The following PKD2L2 variants were observed in gnomAD, a reference collection of about 807,000 sequenced individuals.
PKD2L2 encodes polycystin-2-like protein 2.
PKD2L2 carries 67 observed loss-of-function variants against 83.9 expected under a neutral mutation model. That is an observed-to-expected ratio of 0.80 (90% CI 0.66 to 0.98). The LOEUF is 0.98. Among genes scored for constraint, PKD2L2 ranks in the 50% least tolerant of loss-of-function variants. PKD2L2 has a pLI of 0.00. For synonymous variants in PKD2L2, 223 were observed against 237.8 expected (o/e 0.94, Z 0.57); for missense variants, 632 against 717.2 (o/e 0.88, Z 1.36).
At chr5:137,892,682 G>A in intron 3 of PKD2L2, 69 bp downstream of exon 3, 1 of 1,165,474 alleles carries the variant, frequency 8.6e-7, no homozygotes, top group Non-Finnish European at 1.2e-6. Flanking sequence ...TACACAGTGG[G>A]CACTCAATGA....
At chr5:137,927,762 G>A (rs1321175295) in intron 12 of PKD2L2, among the ~76,000 whole-genome samples, 1 of 152,106 alleles carries the variant, frequency 6.6e-6, no homozygotes, top group Admixed American at 6.6e-5. Flanking sequence ...TTGTTTTTGA[G>A]ACCAAACCCA....
At position 137,908,893 on chromosome 5, in the gene PKD2L2, A is replaced by G; in HGVS notation, c.1275A>G (p.Gly425=). 1 of 1,609,948 alleles carries G rather than the reference A, an allele frequency of 6.2e-7. No homozygotes were observed. Among genetic ancestry groups the G allele is most frequent in the South Asian group, 1.1e-5 (1 of 90,362 alleles). ...TATTCTTTGCTTATGCCCAGTTAGG[A>G]TTTCTTGTTTTTGGATCACAAGTTG... ...FIIFFAYAQL[G]FLVFGSQVDD... Residue 425 remains glycine, a synonymous_variant, in exon 8 of 15, where the codon GGA becomes GGG. Coordinates refer to ENST00000508883, the MANE Select transcript of PKD2L2 (RefSeq NM_001300921.2).
chr5:137,934,309 G>C (rs1318634194), intron 12 of PKD2L2, among the ~76,000 whole-genome samples: 1 of 152,068 alleles, frequency 6.6e-6, no homozygotes, highest in East Asian at 1.9e-4. Context: ...GGCTGAGACG[G>C]GTTTTTAAAA....
At chr5:137,913,465 T>G (rs949946337) in intron 8 of PKD2L2, among the ~76,000 whole-genome samples, 2 of 151,382 alleles carry the variant, frequency 1.3e-5, no homozygotes, top group Admixed American at 1.3e-4. Flanking sequence ...GATACAGCTG[T>G]GAGTCACTGT....
At chr5:137,923,160 T>C (rs867038575) in intron 9 of PKD2L2, among the ~76,000 whole-genome samples, 17 of 151,924 alleles carry the variant, frequency 1.1e-4, no homozygotes, top group African/African-American at 3.6e-4. Flanking sequence ...GGACTACAGG[T>C]GTGCACCACC....
At chr5:137,889,799 T>C (rs962171603) in intron 1 of PKD2L2, among the ~76,000 whole-genome samples, 1 of 152,148 alleles carries the variant, frequency 6.6e-6, no homozygotes, top group African/African-American at 2.4e-5. Context: ...GTCTCTAAAG[T>C]CCTTGGTTGA....
At chr5:137,889,823 G>C (rs1755790379) in intron 1 of PKD2L2, 1 of 369,006 alleles carries the variant, frequency 2.7e-6, no homozygotes, top group Non-Finnish European at 4.8e-6. Context: ...GGGGAGTCGT[G>C]ACCTTGACAG....
intron 14 of PKD2L2, among the ~76,000 whole-genome samples, chr5:137,941,079 T>G (rs1410846910): frequency 6.6e-6 from 1 of 152,040 alleles, no homozygotes; most frequent in Non-Finnish European, 1.5e-5. Context: ...CTAATTTTTT[T>G]TGTATTTTTC....
chr5:137,933,307 G>T (rs780114280), intron 12 of PKD2L2, among the ~76,000 whole-genome samples: 2 of 152,042 alleles, frequency 1.3e-5, no homozygotes, highest in Non-Finnish European at 2.9e-5. Context: ...TTATACAAAT[G>T]AAGGTACTTT....
chr5:137,899,591 C>T lies in PKD2L2; in HGVS notation c.600C>T (p.Tyr200=), dbSNP rs759691021. 2.5e-6 allele frequency: 4 copies of T among 1,613,746 alleles called. No homozygotes were observed. In the South Asian group the frequency reaches 3.3e-5, roughly 13 times the overall value. The change falls in exon 5 of 15, where the codon TAC becomes TAT. Residue 200 remains tyrosine (Y), a synonymous_variant. Transcript: ENST00000508883. ...TTGGTGTTTACCGAAATGGGGGATACATTTTCACTTTATCAAAATCGAAAT... is the reference window on the plus strand; with the variant it reads ...TTGGTGTTTACCGAAATGGGGGATATATTTTCACTTTATCAAAATCGAAAT... ...GFLGVYRNGG[Y]IFTLSKSKSE... is the part of the protein sequence containing the mutation.
At chr5:137,926,382 C>G (rs1210428451) in intron 12 of PKD2L2, among the ~76,000 whole-genome samples, 1 of 151,562 alleles carries the variant, frequency 6.6e-6, no homozygotes, top group African/African-American at 2.4e-5. Context: ...AAAAAGTGAA[C>G]CATTGCTCTA....
chr5:137,939,924 G>A, intron 14 of PKD2L2: 2 of 1,336,042 alleles, frequency 1.5e-6, no homozygotes, highest in Non-Finnish European at 1.9e-6. Context: ...GAAGTTGAAA[G>A]GATAAAATTC....
intron 12 of PKD2L2, among the ~76,000 whole-genome samples, chr5:137,934,859 G>C (rs1581002714): frequency 6.6e-6 from 1 of 151,892 alleles, no homozygotes; most frequent in East Asian, 1.9e-4. Flanking sequence ...CTCCAGCCTG[G>C]GTGACAGAGT....
At chr5:137,939,845 T>G in intron 14 of PKD2L2, 1 of 1,289,250 alleles carries the variant, frequency 7.8e-7, no homozygotes, top group Non-Finnish European at 9.8e-7. Context: ...AAGATTTTCC[T>G]CCAATTTTCT....
chr5:137,918,968 G>T (rs956453411), intron 8 of PKD2L2, among the ~76,000 whole-genome samples: 4 of 131,856 alleles, frequency 3.0e-5, no homozygotes, highest in Non-Finnish European at 7.1e-5. Flanking sequence ...GTGTGTGTGT[G>T]AGTGTGTGTG....
chr5:137,896,334 G>A (rs561379466), intron 4 of PKD2L2, among the ~76,000 whole-genome samples: 82 of 152,138 alleles, frequency 5.4e-4, no homozygotes, highest in African/African-American at 1.9e-3. Context: ...GTTTCTTCTG[G>A]TATATACTTT....
chr5:137,928,731 C>T (rs1158543827), intron 12 of PKD2L2, among the ~76,000 whole-genome samples: 1 of 152,176 alleles, frequency 6.6e-6, no homozygotes, highest in Non-Finnish European at 1.5e-5. Context: ...TGGGCCCAGG[C>T]TTTTCTTTTT....
At chr5:137,906,004 G>A (rs926834897) in intron 5 of PKD2L2, among the ~76,000 whole-genome samples, 2 of 152,008 alleles carry the variant, frequency 1.3e-5, no homozygotes, top group East Asian at 1.9e-4. Context: ...GAATATTCAG[G>A]TATAGAAAAA....
At chr5:137,899,475 G>A in intron 4 of PKD2L2, 41 bp from the exon 5 acceptor site, 1 of 1,275,162 alleles carries the variant, frequency 7.8e-7, no homozygotes, top group Non-Finnish European at 1.1e-6. Flanking sequence ...CTTCTCAGTT[G>A]GGCTTTGTCA....
Sources: allele counts gnomAD v4.1 joint callset (sites outside exome capture counted in the v4.1 genomes callset), GRCh38; gene constraint gnomAD v4.1.1; transcripts MANE v1.5; gene names NCBI Gene and HGNC (gene_info 2026-07-23, HGNC 2026-07-21).